Variants in BIRC6 observed in about 807,000 individuals in gnomAD.
BIRC6 encodes dual E2 ubiquitin-conjugating enzyme/E3 ubiquitin-protein ligase BIRC6.
Under a neutral mutation model 503.3 loss-of-function variants are expected in BIRC6, and 98 were observed. The observed-to-expected ratio is 0.19, with a 90% CI of 0.17 to 0.23. The LOEUF (loss-of-function observed/expected upper bound fraction) is 0.23. BIRC6 is among the 10% of genes least tolerant of loss of function. The pLI is 1.00. For synonymous variants in BIRC6, 2,240 were observed against 2,078.7 expected, an observed-to-expected ratio of 1.08 and a Z score of -2.11; for missense variants, 5,360 against 5,806.0, an observed-to-expected ratio of 0.92 and a Z score of 2.50.
chr2:32,607,875 C>T (rs1020544879), intron 72 of BIRC6, among the ~76,000 whole-genome samples: 1 of 139,240 alleles, frequency 7.2e-6, no homozygotes, highest in African/African-American at 2.7e-5. Flanking sequence ...ATCTCAGCTA[C>T]TTGGAACGTG....
chr2:32,505,603 A>G (rs1232951378), intron 50 of BIRC6, among the ~76,000 whole-genome samples: 4 of 152,226 alleles, frequency 2.6e-5, no homozygotes, highest in East Asian at 1.9e-4. Context: ...CTGCCCTCCA[A>G]CTTCTTTACA....
At chr2:32,432,505 C>G (rs964597209) in intron 12 of BIRC6, among the ~76,000 whole-genome samples, 1 of 152,000 alleles carries the variant, frequency 6.6e-6, no homozygotes, top group African/African-American at 2.4e-5. Flanking sequence ...ATCTGTAATC[C>G]TAGCATTTTG....
chr2:32,384,289 C>T (rs138625439), intron 3 of BIRC6, among the ~76,000 whole-genome samples: 44 of 152,172 alleles, frequency 2.9e-4, no homozygotes, highest in Non-Finnish European at 6.0e-4. Flanking sequence ...TTTCGGTTAG[C>T]GTTGAAAATG....
At chr2:32,383,565 C>G (rs989446617) in intron 3 of BIRC6, among the ~76,000 whole-genome samples, 2 of 152,006 alleles carry the variant, frequency 1.3e-5, no homozygotes, top group African/African-American at 4.8e-5. Flanking sequence ...GAGATGGAGT[C>G]TCACTTTGTC....
At chr2:32,479,707 T>TTA (rs1213976510) in intron 37 of BIRC6, 90 bp downstream of exon 37, 2 of 1,227,400 alleles carry the variant, frequency 1.6e-6, no homozygotes, top group Non-Finnish European at 2.2e-6. Context: ...AAGTTGATTT[T>TTA]TATATTTTTC....
At chr2:32,396,873 G>A (rs76768881) in intron 6 of BIRC6, among the ~76,000 whole-genome samples, 2,468 of 152,004 alleles carry the variant, frequency 0.016, 31 homozygotes, top group Middle Eastern at 0.038. Flanking sequence ...ACAGGTGTGC[G>A]TGGGCCACCA....
At chr2:32,448,762 G>T in intron 21 of BIRC6, 33 bp from the exon 22 acceptor site, 1 of 1,582,456 alleles carries the variant, frequency 6.3e-7, no homozygotes, top group African/African-American at 1.4e-5. Flanking sequence ...ATGGCTGAAA[G>T]GAAAATTGTT....
intron 65 of BIRC6, chr2:32,565,110 A>G (rs545966660): frequency 6.6e-6 from 1 of 152,334 alleles, no homozygotes; most frequent in Admixed American, 6.5e-5. Flanking sequence ...TGGGGATCTG[A>G]TCTGCAGGGA....
chr2:32,373,908 A>T (rs918620488), intron 1 of BIRC6, among the ~76,000 whole-genome samples: 1 of 152,218 alleles, frequency 6.6e-6, no homozygotes, highest in Admixed American at 6.5e-5. Flanking sequence ...AATGTGGAGG[A>T]ACCTTCAGGA....
chr2:32,494,955 T>C (rs2052265293), intron 45 of BIRC6, among the ~76,000 whole-genome samples: 2 of 152,224 alleles, frequency 1.3e-5, no homozygotes, highest in African/African-American at 4.8e-5. Flanking sequence ...GTAGTGACTA[T>C]TGCCACTTTT....
At chr2:32,403,104 A>G (rs2040778451) in intron 8 of BIRC6, among the ~76,000 whole-genome samples, 1 of 152,224 alleles carries the variant, frequency 6.6e-6, no homozygotes, top group African/African-American at 2.4e-5. Flanking sequence ...ATACAAAAAC[A>G]TTAAGTTGAT....
chr2:32,453,758 C>A lies in BIRC6; in HGVS notation c.4619-50C>A. ...GCTATAATTATTGTTGTGACTATTGCTTTTTAAAAATTATCTTCACGTGTT... is the reference window on the plus strand; with the variant it reads ...GCTATAATTATTGTTGTGACTATTGATTTTTAAAAATTATCTTCACGTGTT... On this transcript the variant is annotated intron_variant, in intron 22 of 73. Transcript: ENST00000421745. 3.2e-6 allele frequency: 5 copies of A among 1,577,340 alleles called. 1 individual carries two copies. In the South Asian group the frequency reaches 4.5e-5, roughly 14 times the overall value.
At chr2:32,422,761 C>G (rs968053920) in intron 10 of BIRC6, among the ~76,000 whole-genome samples, 2 of 152,082 alleles carry the variant, frequency 1.3e-5, no homozygotes, top group African/African-American at 4.8e-5. Context: ...TAAGATTACC[C>G]ATTTTGTTGC....
intron 5 of BIRC6, among the ~76,000 whole-genome samples, chr2:32,393,919 C>T (rs935369890): frequency 2.7e-5 from 4 of 150,252 alleles, no homozygotes; most frequent in Non-Finnish European, 5.9e-5. Context: ...GTATTCTGAA[C>T]ATCTTTACTA....
chr2:32,375,264 A>G (rs1366006015), intron 1 of BIRC6, among the ~76,000 whole-genome samples: 1 of 152,122 alleles, frequency 6.6e-6, no homozygotes, highest in Non-Finnish European at 1.5e-5. Flanking sequence ...TTTTTAGTGC[A>G]GTGACTAGAT....
chr2:32,543,567 AAC>A lies in BIRC6; in HGVS notation c.12592+30_12592+31del, dbSNP rs1572916137. ...GTAAGTGTTTAGTATTAAATTTATC[AAC>A]ACATATGTGAATAGGTTGTGTAAAG... On this transcript the variant is annotated intron_variant, in intron 62 of 73. Coordinates refer to ENST00000421745, the MANE Select transcript of BIRC6 (RefSeq NM_016252.4). The A allele has an allele frequency of 1.9e-6, 3 of 1,598,762 alleles. No homozygotes were observed. In the East Asian group the frequency reaches 6.7e-5, roughly 36 times the overall value.
intron 61 of BIRC6, among the ~76,000 whole-genome samples, chr2:32,538,625 T>G (rs975095763): frequency 1.3e-5 from 2 of 152,172 alleles, no homozygotes; most frequent in African/African-American, 4.8e-5. Context: ...TGATAGAAGA[T>G]CTCATCAACA....
chr2:32,574,601 G>A (rs2060138311), intron 65 of BIRC6: 2 of 156,822 alleles, frequency 1.3e-5, no homozygotes, highest in Admixed American at 1.2e-4. Flanking sequence ...AAATGGAAGT[G>A]GATCATCATA....
intron 50 of BIRC6, among the ~76,000 whole-genome samples, chr2:32,505,566 A>G (rs530043850): frequency 1.6e-4 from 25 of 152,276 alleles, no homozygotes; most frequent in African/African-American, 5.8e-4. Context: ...TAGCCTTGTA[A>G]TGTGAAATTA....
Sources: gnomAD v4.1 joint callset for allele counts (sites outside exome capture counted in the v4.1 genomes callset) on GRCh38, gnomAD v4.1.1 for gene constraint, MANE v1.5 for transcripts, NCBI Gene and HGNC (gene_info 2026-07-23, HGNC 2026-07-21) for gene names.